Variants in TDRD3 observed in about 807,000 individuals in gnomAD.
TDRD3 encodes tudor domain containing 3.
Under a neutral mutation model 86.7 loss-of-function variants are expected in TDRD3, and 45 were observed. That is an observed-to-expected ratio of 0.52 (90% CI 0.41 to 0.67). The LOEUF (loss-of-function observed/expected upper bound fraction) is 0.67. TDRD3 is among the 30% of genes least tolerant of loss of function. The probability of loss-of-function intolerance (pLI) is 0.00; values close to 1 mark genes in which losing one functional copy is unlikely to be tolerated. For synonymous variants in TDRD3, 298 were observed against 301.7 expected (o/e 0.99, Z 0.13); for missense variants, 814 against 889.0 (o/e 0.92, Z 1.07).
chr13:60,496,300 T>A (rs1481683912), intron 8 of TDRD3, among the ~76,000 whole-genome samples: 1 of 20,608 alleles, frequency 4.9e-5, no homozygotes, highest in East Asian at 1.0e-3. Context: ...TATATATATA[T>A]ATATATATAT....
At chr13:60,436,669 T>G (rs934550154) in intron 1 of TDRD3, among the ~76,000 whole-genome samples, 1 of 152,214 alleles carries the variant, frequency 6.6e-6, no homozygotes, top group Non-Finnish European at 1.5e-5. Context: ...TTGGTAACTA[T>G]AGCCTTGTAG....
chr13:60,510,936 C>G lies in TDRD3; in HGVS notation c.1141+181C>G, dbSNP rs533281035. ...TTTACTTAATCTGAAAACATAATGG[C>G]AGCTTATTTTGCCCCCTAACTGGGA... On this transcript the variant is annotated intron_variant, in intron 10 of 13. Coordinates refer to ENST00000377881, the MANE Select transcript of TDRD3 (RefSeq NM_001146070.2). 1.6e-3 allele frequency among the ~76,000 whole-genome samples: 243 copies of G among 151,902 alleles called. 1 individual carries two copies. The highest frequency in any genetic ancestry group is 2.9e-3 in the Non-Finnish European group (199 of 67,976).
At chr13:60,422,733 A>G (rs1879248409) in intron 1 of TDRD3, among the ~76,000 whole-genome samples, 1 of 150,028 alleles carries the variant, frequency 6.7e-6, no homozygotes, top group Non-Finnish European at 1.5e-5. Context: ...TGAAGAAAGA[A>G]AAACAACTAT....
intron 8 of TDRD3, among the ~76,000 whole-genome samples, chr13:60,508,830 A>G (rs1330748334): frequency 1.3e-5 from 2 of 152,174 alleles, no homozygotes. Context: ...TCAGTTACCT[A>G]ATTACAGGAT....
At chr13:60,529,534 G>A (rs1322092719) in intron 11 of TDRD3, among the ~76,000 whole-genome samples, 1 of 152,078 alleles carries the variant, frequency 6.6e-6, no homozygotes, top group Non-Finnish European at 1.5e-5. Context: ...ACATATGTTT[G>A]CTTTTCACTC....
At chr13:60,486,741 C>T (rs564364562) in intron 7 of TDRD3, among the ~76,000 whole-genome samples, 1 of 152,258 alleles carries the variant, frequency 6.6e-6, no homozygotes, top group South Asian at 2.1e-4. Context: ...TCCCATTAAT[C>T]AACCTCTCCC....
chr13:60,467,125 C>A, intron 4 of TDRD3, 113 bp from the exon 5 acceptor site: 1 of 1,256,996 alleles, frequency 8.0e-7, no homozygotes, highest in African/African-American at 1.5e-5. Flanking sequence ...TTTCCTAATG[C>A]TCTCCCTCCC....
Position 60,528,620 on chromosome 13 carries a change from A to G in TDRD3, c.1395A>G (p.Glu465=), listed in dbSNP as rs764894161. Residue 465 remains glutamate, a synonymous_variant, in exon 11 of 14, where the codon GAA becomes GAG. Transcript: ENST00000377881. ...CTTCAGTATCTGAAGTATGGGCTGA[A>G]GACAGAATCAAATGTGATAGACCGT... ...STSSVSEVWA[E]DRIKCDRPYS... 3 of 1,614,048 alleles carry G rather than the reference A, an allele frequency of 1.9e-6. No homozygotes were observed. The highest frequency in any genetic ancestry group is 2.5e-6 in the Non-Finnish European group (3 of 1,179,942).
At chr13:60,421,986 G>T (rs1270319769) in intron 1 of TDRD3, among the ~76,000 whole-genome samples, 1 of 152,134 alleles carries the variant, frequency 6.6e-6, no homozygotes, top group African/African-American at 2.4e-5. Flanking sequence ...GAAAGAAACA[G>T]ATGAAAAACA....
chr13:60,568,039 G>A (rs1270521493), intron 13 of TDRD3, among the ~76,000 whole-genome samples: 1 of 151,982 alleles, frequency 6.6e-6, no homozygotes, highest in Non-Finnish European at 1.5e-5. Context: ...GCCTTTTAAT[G>A]TGGCTACTAG....
chr13:60,565,041 C>CTTTTT (rs869194148), intron 12 of TDRD3, among the ~76,000 whole-genome samples: 839 of 70,874 alleles, frequency 0.012, 179 homozygotes, highest in African/African-American at 0.044. Flanking sequence ...CTATCAGTAT[C>CTTTTT]TTTTTTTTTT....
intron 1 of TDRD3, among the ~76,000 whole-genome samples, chr13:60,402,958 G>T (rs1954142259): frequency 1.3e-5 from 2 of 151,886 alleles, no homozygotes; most frequent in Admixed American, 6.6e-5. Flanking sequence ...TATCTCTTTG[G>T]CTTATATTGT....
At chr13:60,509,533 C>T (rs1957012819) in intron 8 of TDRD3, 2 of 479,552 alleles carry the variant, frequency 4.2e-6, no homozygotes, top group African/African-American at 1.9e-5. Context: ...TTGTGTGTTG[C>T]TTTTGCAGTG....
intron 11 of TDRD3, among the ~76,000 whole-genome samples, chr13:60,530,463 G>A (rs1403173653): frequency 4.6e-5 from 7 of 151,744 alleles, no homozygotes; most frequent in Admixed American, 3.9e-4. Flanking sequence ...TTTTTGAGAC[G>A]GAGTTTCACT....
intron 1 of TDRD3, among the ~76,000 whole-genome samples, chr13:60,413,251 AATT>A (rs1193360782): frequency 6.6e-6 from 1 of 152,168 alleles, no homozygotes; most frequent in East Asian, 1.9e-4. Flanking sequence ...CACAAAACTG[AATT>A]ATTGTGAGAG....
At chr13:60,572,423 T>A (rs1958607358) in intron 13 of TDRD3, among the ~76,000 whole-genome samples, 1 of 152,190 alleles carries the variant, frequency 6.6e-6, no homozygotes, top group African/African-American at 2.4e-5. Context: ...TGCAGCTGGA[T>A]GTAGGATGGA....
upstream of TDRD3, chr13:60,397,173 C>T: frequency 4.9e-6 from 2 of 410,950 alleles, no homozygotes; most frequent in Non-Finnish European, 8.6e-6. Flanking sequence ...CCTACGGCCG[C>T]TCAGAAAACG....
At chr13:60,495,734 C>T (rs1252598715) in intron 8 of TDRD3, among the ~76,000 whole-genome samples, 1 of 152,090 alleles carries the variant, frequency 6.6e-6, no homozygotes, top group African/African-American at 2.4e-5. Flanking sequence ...TCCCAAGGTG[C>T]TGGGATTACA....
chr13:60,504,143 A>G (rs1233296837), intron 8 of TDRD3, among the ~76,000 whole-genome samples: 2 of 152,234 alleles, frequency 1.3e-5, no homozygotes, highest in Non-Finnish European at 2.9e-5. Flanking sequence ...CTCTAGGTTT[A>G]TCTTATCAAA....
Sources: allele counts gnomAD v4.1 joint callset (sites outside exome capture counted in the v4.1 genomes callset), GRCh38; gene constraint gnomAD v4.1.1; transcripts MANE v1.5; gene names NCBI Gene and HGNC (gene_info 2026-07-23, HGNC 2026-07-21).